KDSR: variants seen among roughly 807,000 people sequenced by gnomAD.
KDSR encodes 3-dehydrosphinganine reductase.
In KDSR, 23 loss-of-function variants were observed where a neutral mutation model predicts 41.3. The observed-to-expected ratio is 0.56, with a 90% confidence interval of 0.40 to 0.79. The LOEUF is 0.79. KDSR is among the 30% of genes least tolerant of loss of function. KDSR has a pLI of 0.00. For missense variants in KDSR, 351 were observed against 416.8 expected (o/e 0.84, Z 1.37); for synonymous variants, 138 against 151.7 (o/e 0.91, Z 0.66).
At chr18:63,344,078 G>A (rs1337920023) in intron 7 of KDSR, among the ~76,000 whole-genome samples, 2 of 152,224 alleles carry the variant, frequency 1.3e-5, no homozygotes, top group African/African-American at 2.4e-5. Flanking sequence ...TCAGGTGGCT[G>A]AGGCAGGAGG....
intron 2 of KDSR, among the ~76,000 whole-genome samples, chr18:63,362,337 A>G (rs1312373337): frequency 6.6e-6 from 1 of 152,276 alleles, no homozygotes; most frequent in Non-Finnish European, 1.5e-5. Context: ...TCTATGGTGT[A>G]TAGATTTCAC....
intron 8 of KDSR, among the ~76,000 whole-genome samples, chr18:63,337,088 G>T (rs56158687): frequency 3.3e-5 from 1 of 30,306 alleles, no homozygotes; most frequent in African/African-American, 6.6e-5. Context: ...ATATATATAT[G>T]TGACTTTATA....
chr18:63,333,605 C>G (rs957540357), intron 9 of KDSR, among the ~76,000 whole-genome samples: 1 of 152,120 alleles, frequency 6.6e-6, no homozygotes, highest in Non-Finnish European at 1.5e-5. Flanking sequence ...TGATGACTGC[C>G]AGGTAAGAAT....
At chr18:63,363,262 G>T in intron 1 of KDSR, among the ~76,000 whole-genome samples, 1 of 125,114 alleles carries the variant, frequency 8.0e-6, no homozygotes. Context: ...GGGTACATGT[G>T]CACATTGTGC....
chr18:63,339,058 C>T (rs780046517), intron 7 of KDSR, among the ~76,000 whole-genome samples, 175 bp from the exon 8 acceptor site: 12 of 152,194 alleles, frequency 7.9e-5, no homozygotes, highest in Non-Finnish European at 1.2e-4. Context: ...CTAGTTACTA[C>T]GTAAAATTCT....
intron 9 of KDSR, among the ~76,000 whole-genome samples, chr18:63,333,557 G>A (rs1306544713): frequency 6.6e-6 from 1 of 152,158 alleles, no homozygotes; most frequent in Non-Finnish European, 1.5e-5. Flanking sequence ...TGCAGGGACT[G>A]TGCTCCTCCC....
chr18:63,331,964 G>C, intron 9 of KDSR, 63 bp from the exon 10 acceptor site: 1 of 1,541,572 alleles, frequency 6.5e-7, no homozygotes, highest in South Asian at 1.2e-5. Flanking sequence ...AAGGTACCTA[G>C]GTCTCTAACA....
chr18:63,358,814 CA>C (rs10652370), intron 3 of KDSR, among the ~76,000 whole-genome samples: 1,156 of 62,608 alleles, frequency 0.018, 16 homozygotes, highest in African/African-American at 0.069. Flanking sequence ...GACTCTGTCT[CA>C]AAAAAAAAAA....
rs769568699 is a variant in KDSR, at chr18:63,355,208, A to C, written c.413T>G (p.Phe138Cys). The C allele has an allele frequency of 2.2e-5, 36 of 1,608,462 alleles. No homozygotes were observed. Among genetic ancestry groups the C allele is most frequent in the Non-Finnish European group, 3.0e-5 (35 of 1,175,038 alleles). Residue 138 changes from phenylalanine to cysteine, a missense_variant, in exon 5 of 10, where the codon TTT (phenylalanine) becomes TGT (cysteine). Phe to Cys is a radical substitution (Grantham distance 205). Coordinates refer to ENST00000645214, the MANE Select transcript of KDSR (RefSeq NM_002035.4). ...GKFEDLEVST[F>C]ERLMSINYLG... The stretch of plus-strand genomic sequence containing the variant: ...TGAGCAAACATTTTTACTTACTTCA[A>C]AGGTACTAACTTCAAGATCTTCAAA...
At chr18:63,353,713 G>A (rs1182119886) in intron 5 of KDSR, among the ~76,000 whole-genome samples, 1 of 152,216 alleles carries the variant, frequency 6.6e-6, no homozygotes, top group Non-Finnish European at 1.5e-5. Context: ...CTGATGCTAA[G>A]AGAAAGAGGT....
chr18:63,350,986 C>A lies in KDSR; in HGVS notation c.511G>T (p.Val171Leu). ...CCCAACTGTCCTGCCTGGGAGGACA[C>A]AAACACGATCCTGCCCACCCGGCGC... ...KERRVGRIVF[V>L]SSQAGQLGLF... Residue 171 changes from valine to leucine, a missense_variant, in exon 6 of 10, where the codon GTG becomes TTG. Val to Leu is a conservative substitution (Grantham distance 32). Coordinates refer to ENST00000645214, the MANE Select transcript of KDSR (RefSeq NM_002035.4). The A allele has an allele frequency of 1.2e-6, 2 of 1,614,150 alleles. No individual in the cohort carries two copies. Among genetic ancestry groups the A allele is most frequent in the Non-Finnish European group, 1.7e-6 (2 of 1,179,962 alleles).
At chr18:63,366,283 C>T (rs773409064) in intron 1 of KDSR, 3 of 152,462 alleles carry the variant, frequency 2.0e-5, no homozygotes, top group South Asian at 2.1e-4. Context: ...CGCACACAAG[C>T]CTTGTCGTTT....
At position 63,328,118 on chromosome 18, in the gene KDSR, C is replaced by T. The variant is rs1237851190; in HGVS notation, c.*3664G>A. On this transcript the variant is annotated 3_prime_UTR_variant, in exon 10 of 10. Coordinates refer to ENST00000645214, the MANE Select transcript of KDSR (RefSeq NM_002035.4). ...AAAGAGTATGAATATTTAAAAGTGG[C>T]CTCAAGTGAGTAATACATGTTTAAA... 1.1e-5 allele frequency: 2 copies of T among 188,634 alleles called. No individual in the cohort carries two copies. The highest frequency in any genetic ancestry group is 2.3e-5 in the African/African-American group (1 of 42,710). The allele number at this position is 188,634 out of a possible 1,614,324, so 11.7% of individuals were successfully genotyped here.
At chr18:63,357,587 TATATA>T (rs1914834758) in intron 3 of KDSR, among the ~76,000 whole-genome samples, 1 of 67,232 alleles carries the variant, frequency 1.5e-5, no homozygotes, top group African/African-American at 6.7e-5. Flanking sequence ...TATATATATA[TATATA>T]TATTTTTTTT....
chr18:63,353,234 C>T (rs760740381), intron 5 of KDSR, among the ~76,000 whole-genome samples: 3 of 151,906 alleles, frequency 2.0e-5, no homozygotes, highest in East Asian at 3.9e-4. Flanking sequence ...TCACACTGAA[C>T]GCCTGTGTTT....
At chr18:63,347,495 CAAAAAA>C (rs36023779) in intron 6 of KDSR, among the ~76,000 whole-genome samples, 1 of 56,984 alleles carries the variant, frequency 1.8e-5, no homozygotes. Context: ...GACTCCATCT[CAAAAAA>C]AAAAAAAAAA....
At chr18:63,353,905 G>A (rs1914726103) in intron 5 of KDSR, among the ~76,000 whole-genome samples, 1 of 151,996 alleles carries the variant, frequency 6.6e-6, no homozygotes, top group Non-Finnish European at 1.5e-5. Flanking sequence ...GGGGGTGGGT[G>A]CACCTCATTG....
chr18:63,358,638 C>A (rs1271913478), intron 3 of KDSR, among the ~76,000 whole-genome samples: 2 of 151,444 alleles, frequency 1.3e-5, no homozygotes, highest in African/African-American at 4.8e-5. Context: ...ATGGTAAAAC[C>A]CTGTCTCTAC....
intron 7 of KDSR, among the ~76,000 whole-genome samples, chr18:63,340,125 A>G (rs965359128): frequency 1.3e-5 from 2 of 152,140 alleles, no homozygotes; most frequent in African/African-American, 4.8e-5. Flanking sequence ...TTTACCCCCA[A>G]CAAGTCTGCC....
Sources: gnomAD v4.1 joint callset for allele counts (sites outside exome capture counted in the v4.1 genomes callset) on GRCh38, gnomAD v4.1.1 for gene constraint, MANE v1.5 for transcripts, NCBI Gene and HGNC (gene_info 2026-07-23, HGNC 2026-07-21) for gene names.